ANXA10: variants seen among roughly 807,000 people sequenced by gnomAD.
ANXA10 encodes the protein annexin 14.
In ANXA10, 49 loss-of-function variants were observed where a neutral mutation model predicts 53.5. That is an observed-to-expected ratio of 0.92 (90% confidence interval 0.73 to 1.16). ANXA10 has a LOEUF of 1.16. ANXA10 is among the 50% of genes most tolerant of loss of function. The pLI, the probability that ANXA10 is intolerant of heterozygous loss-of-function variation, is 0.00. For missense variants in ANXA10, 393 were observed against 394.4 expected (o/e 1.00, Z 0.03); for synonymous variants, 131 against 128.9 (o/e 1.02, Z -0.11).
At chr4:168,181,390 CAAA>C (rs556987548) in intron 9 of ANXA10, among the ~76,000 whole-genome samples, 3 of 93,394 alleles carry the variant, frequency 3.2e-5, no homozygotes, top group African/African-American at 3.5e-5. Flanking sequence ...GACTCCGTCT[CAAA>C]AAAAAAAAAA....
In ANXA10 at chr4:168,184,600, T is replaced by A. The variant is rs376922347; in HGVS notation, c.825T>A (p.Ile275=). The change falls in exon 11 of 12, where the codon ATT becomes ATA. Residue 275 remains isoleucine, a synonymous_variant. Transcript: ENST00000359299. ...FHNKTVIRIL[I]ARSEIDLLTI... ...ATAAAACTGTAATCAGGATTCTCATTGCCAGAAGTGAAATAGACCTGCTGA... is the reference window on the plus strand; with the variant it reads ...ATAAAACTGTAATCAGGATTCTCATAGCCAGAAGTGAAATAGACCTGCTGA... 1.9e-6 allele frequency: 3 copies of A among 1,613,892 alleles called. No individual in the cohort carries two copies. In the African/African-American group the frequency reaches 4.0e-5, roughly 22 times the overall value.
At chr4:168,115,146 G>A (rs1465417737) in intron 1 of ANXA10, among the ~76,000 whole-genome samples, 1 of 152,170 alleles carries the variant, frequency 6.6e-6, no homozygotes, top group Non-Finnish European at 1.5e-5. Flanking sequence ...GATTCCCAGA[G>A]TGCTGGGATT....
intron 3 of ANXA10, among the ~76,000 whole-genome samples, chr4:168,161,026 G>GAT (rs532644038): frequency 7.2e-5 from 11 of 152,142 alleles, no homozygotes; most frequent in Admixed American, 1.3e-4. Flanking sequence ...TCACTCTGAT[G>GAT]ATAGTTTCTT....
intron 6 of ANXA10, 63 bp downstream of exon 6, chr4:168,165,389 CAA>C (rs33925175): frequency 0.43 from 170,511 of 395,810 alleles, 22,344 homozygotes; most frequent in African/African-American, 0.58. Flanking sequence ...ATGTCATTGC[CAA>C]AAAAAAAAAA....
chr4:168,147,239 C>T (rs1388441527), intron 3 of ANXA10, among the ~76,000 whole-genome samples: 1 of 152,166 alleles, frequency 6.6e-6, no homozygotes, highest in East Asian at 1.9e-4. Flanking sequence ...AGTTGATTTA[C>T]CCTAATATGG....
Position 168,165,338 on chromosome 4 carries a change from C to G in ANXA10, c.480+12C>G. ...TGAACTTGGTCCAGGTATGGCATTC[C>G]AAAATTTACATTACTTTGCACTATC... On this transcript the variant is annotated intron_variant, in intron 6 of 11. Coordinates refer to ENST00000359299, the MANE Select transcript of ANXA10 (RefSeq NM_007193.5). 18 of 1,433,086 alleles carry G rather than the reference C, an allele frequency of 1.3e-5. No individual in the cohort carries two copies. Among genetic ancestry groups the G allele is most frequent in the Non-Finnish European group, 1.7e-5 (18 of 1,057,422 alleles). The allele number at this position is 1,433,086 out of a possible 1,614,324, so 88.8% of individuals were successfully genotyped here.
In ANXA10 at chr4:168,159,332, A is replaced by G. The variant is rs148784334; in HGVS notation, c.196-3196A>G. Among the ~76,000 whole-genome samples the G allele has an allele frequency of 4.4e-3, 665 of 152,318 alleles. 3 individuals are homozygous for G. Among genetic ancestry groups the G allele is most frequent in the African/African-American group, 0.015 (608 of 41,576 alleles). On this transcript the variant is annotated intron_variant, in intron 3 of 11. Coordinates refer to ENST00000359299, the MANE Select transcript of ANXA10 (RefSeq NM_007193.5). ...TACACATGTTTGTGTCTAGGTTTAT[A>G]AGGGATATCAGTGTGCAATTTTCTT...
chr4:168,136,250 A>G (rs560145203), intron 2 of ANXA10, among the ~76,000 whole-genome samples: 1 of 152,074 alleles, frequency 6.6e-6, no homozygotes, highest in East Asian at 1.9e-4. Flanking sequence ...CCCCCCACAA[A>G]TCTCATGTTC....
rs185929108 is a variant in ANXA10, at chr4:168,103,331, A to G, written c.18+10613A>G. On this transcript the variant is annotated intron_variant, in intron 1 of 11. Transcript: ENST00000359299. ...TAAGGTCTATGACAAATTTTGAATC[A>G]ATTTTTGTATAAGGCATGAAGTATA... Among the ~76,000 whole-genome samples the G allele has an allele frequency of 1.3e-3, 198 of 152,052 alleles. 3 individuals carry two copies. The highest frequency in any genetic ancestry group is 2.4e-3 in the Admixed American group (37 of 15,250).
chr4:168,171,219 T>C (rs1731979342), intron 6 of ANXA10, among the ~76,000 whole-genome samples: 1 of 152,186 alleles, frequency 6.6e-6, no homozygotes, highest in Non-Finnish European at 1.5e-5. Context: ...GGAGGTGAAA[T>C]TTGGAGCTGG....
At chr4:168,136,668 G>A (rs1372820461) in intron 2 of ANXA10, among the ~76,000 whole-genome samples, 3 of 152,124 alleles carry the variant, frequency 2.0e-5, no homozygotes, top group Non-Finnish European at 2.9e-5. Flanking sequence ...CAGTCCCCAC[G>A]GCTACTCTCA....
intron 3 of ANXA10, among the ~76,000 whole-genome samples, chr4:168,146,319 A>G (rs976499993): frequency 6.6e-6 from 1 of 152,216 alleles, no homozygotes; most frequent in Non-Finnish European, 1.5e-5. Context: ...GGCGGAAGTC[A>G]GCTGATTGAC....
At chr4:168,124,651 T>C (rs1451132378) in intron 1 of ANXA10, among the ~76,000 whole-genome samples, 2 of 152,168 alleles carry the variant, frequency 1.3e-5, no homozygotes, top group Non-Finnish European at 2.9e-5. Context: ...ATATACTTTT[T>C]TGAGTGGGCA....
chr4:168,167,859 G>A lies in ANXA10; in HGVS notation c.480+2533G>A, dbSNP rs562883223. 3.9e-5 allele frequency among the ~76,000 whole-genome samples: 6 copies of A among 152,250 alleles called. No individual in the cohort carries two copies. The East Asian group carries it at 9.6e-4, about 24-fold the overall frequency. On this transcript the variant is annotated intron_variant, in intron 6 of 11. Transcript: ENST00000359299. ...TCTCTTAGAAGGTAAAACTGGCCGG[G>A]TATTACTAGAGGGCTGAGTCATAAC...
chr4:168,095,438 A>C (rs1167945926), intron 1 of ANXA10, among the ~76,000 whole-genome samples: 1 of 152,054 alleles, frequency 6.6e-6, no homozygotes, highest in African/African-American at 2.4e-5. Flanking sequence ...TAATCATAGC[A>C]GTATGAAAAG....
chr4:168,184,728 T>A (rs1389412452), intron 11 of ANXA10, 47 bp downstream of exon 11: 1 of 1,601,076 alleles, frequency 6.2e-7, no homozygotes, highest in Non-Finnish European at 8.5e-7. Flanking sequence ...TTTCTCCTTT[T>A]TGAAACTGAG....
At chr4:168,131,902 C>T (rs1289779534) in intron 2 of ANXA10, among the ~76,000 whole-genome samples, 1 of 151,894 alleles carries the variant, frequency 6.6e-6, no homozygotes, top group Non-Finnish European at 1.5e-5. Context: ...TCTTGTAGAC[C>T]ACTTAGTGCT....
At chr4:168,156,067 A>ATATATTATATATATT (rs1560784257) in intron 3 of ANXA10, among the ~76,000 whole-genome samples, 1 of 60,992 alleles carries the variant, frequency 1.6e-5, no homozygotes, top group Non-Finnish European at 2.6e-5. Flanking sequence ...TATATATCAT[A>ATATATTATATATATT]TATTATATAT....
chr4:168,164,491 A>T (rs1187721855), intron 5 of ANXA10, among the ~76,000 whole-genome samples: 1 of 152,172 alleles, frequency 6.6e-6, no homozygotes, highest in African/African-American at 2.4e-5. Flanking sequence ...AATCAAGTTA[A>T]GCAAATTTTC....
Sources: allele counts gnomAD v4.1 joint callset (sites outside exome capture counted in the v4.1 genomes callset), GRCh38; gene constraint gnomAD v4.1.1; transcripts MANE v1.5; gene names NCBI Gene and HGNC (gene_info 2026-07-23, HGNC 2026-07-21).